The following TMC2 variants were observed in gnomAD, a reference collection of about 807,000 sequenced individuals.
The protein encoded by TMC2 is transmembrane channel-like protein 2.
Under a neutral mutation model 105.9 loss-of-function variants are expected in TMC2, and 102 were observed. That is an observed-to-expected ratio of 0.96 (90% CI 0.82 to 1.14). The LOEUF (loss-of-function observed/expected upper bound fraction) is 1.14. TMC2 is among the 50% of genes most tolerant of loss of function. TMC2 has a pLI of 0.00. For synonymous variants in TMC2, 402 were observed against 422.8 expected (o/e 0.95, Z 0.60); for missense variants, 1,093 against 1,134.3 (o/e 0.96, Z 0.52).
intron 2 of TMC2, among the ~76,000 whole-genome samples, chr20:2,545,915 AGAAAT>A (rs1283214322): frequency 6.7e-6 from 1 of 148,528 alleles, no homozygotes; most frequent in African/African-American, 2.6e-5. Flanking sequence ...AAAAAAAGAA[AGAAAT>A]GAAAGAAAGA....
chr20:2,595,143 G>T (rs1391156513), intron 9 of TMC2, among the ~76,000 whole-genome samples, 176 bp downstream of exon 9: 1 of 152,198 alleles, frequency 6.6e-6, no homozygotes, highest in African/African-American at 2.4e-5. Context: ...AGGCCATGTG[G>T]GATGTGCTGG....
chr20:2,616,230 T>C lies in TMC2; in HGVS notation c.1940+26T>C, dbSNP rs1475383585. The C allele has an allele frequency of 1.3e-6, 2 of 1,597,168 alleles. No individual in the cohort carries two copies. The highest frequency in any genetic ancestry group is 2.2e-5 in the South Asian group (2 of 90,730). On this transcript the variant is annotated intron_variant, in intron 15 of 19. Coordinates refer to ENST00000358864, the MANE Select transcript of TMC2 (RefSeq NM_080751.3). The surrounding 1 kb of genome is among the most constrained non-coding windows in gnomAD (Gnocchi z 4.8). The stretch of plus-strand genomic sequence containing the variant: ...GTGAGTTATCCATTTCATCTGGTGA[T>C]CGCCTCATCCAAGGAGTCAAAAAAC...
In TMC2 at chr20:2,538,455, C is replaced by T. The variant is rs542006437; in HGVS notation, c.82+1139C>T. ...GTGGCCAGACGAGAAACCTTCCTCC[C>T]GGGGGTCGGGCCACGGTGCTCCCGT... On this transcript the variant is annotated intron_variant, in intron 2 of 19. Transcript: ENST00000358864. 4.6e-5 allele frequency among the ~76,000 whole-genome samples: 7 copies of T among 152,266 alleles called. No homozygotes were observed. In the East Asian group the frequency reaches 9.7e-4, roughly 21 times the overall value.
At chr20:2,591,122 G>A (rs1365601665) in intron 7 of TMC2, among the ~76,000 whole-genome samples, 1 of 152,020 alleles carries the variant, frequency 6.6e-6, no homozygotes, top group African/African-American at 2.4e-5. Flanking sequence ...AAGGGCATAT[G>A]TATAAGGGTA....
At chr20:2,610,256 C>A (rs1368662995) in intron 11 of TMC2, among the ~76,000 whole-genome samples, 163 bp from the exon 12 acceptor site, 3 of 152,202 alleles carry the variant, frequency 2.0e-5, no homozygotes, top group African/African-American at 7.2e-5. Context: ...CATGTTGATG[C>A]CTTTGCCAGG....
At chr20:2,577,777 G>C (rs1013635497) in intron 5 of TMC2, among the ~76,000 whole-genome samples, 4 of 152,028 alleles carry the variant, frequency 2.6e-5, no homozygotes, top group Non-Finnish European at 5.9e-5. Flanking sequence ...AGCCGAATGT[G>C]GTGGCTACTC....
intron 2 of TMC2, among the ~76,000 whole-genome samples, chr20:2,543,176 G>A (rs1215587316): frequency 3.3e-5 from 5 of 152,044 alleles, no homozygotes; most frequent in Non-Finnish European, 7.4e-5. Context: ...GGTAGAGGCT[G>A]CAGTGAGCCA....
At chr20:2,583,665 C>G (rs2086211450) in intron 7 of TMC2, among the ~76,000 whole-genome samples, 1 of 152,046 alleles carries the variant, frequency 6.6e-6, no homozygotes, top group East Asian at 1.9e-4. Context: ...ATTTCAGCAT[C>G]TTGGCCTGGC....
intron 10 of TMC2, among the ~76,000 whole-genome samples, chr20:2,597,812 T>C (rs1035900995): frequency 3.3e-5 from 5 of 152,184 alleles, no homozygotes; most frequent in Admixed American, 2.0e-4. Flanking sequence ...TGTTTCTTAA[T>C]ATGACAGAGT....
In TMC2 at chr20:2,597,244, C is replaced by G. The variant is rs143009341; in HGVS notation, c.1170C>G (p.Ile390Met). The G allele has an allele frequency of 3.7e-5, 60 of 1,613,924 alleles. No homozygotes were observed. The highest frequency in any genetic ancestry group is 5.1e-5 in the Non-Finnish European group (60 of 1,179,998). The change falls in exon 10 of 20, where the codon ATC (isoleucine) becomes ATG (methionine). Residue 390 changes from isoleucine (I) to methionine (M), a missense_variant. Ile to Met is a conservative substitution (Grantham distance 10). Coordinates refer to ENST00000358864, the MANE Select transcript of TMC2 (RefSeq NM_080751.3). ...FKMFTSWDYL[I>M]GNSETADNKY... Reference sequence around the variant, plus strand: ...TGTTCACCAGCTGGGACTACCTGATCGGGAATTCAGAGACAGCTGATAACA... The same window carrying G: ...TGTTCACCAGCTGGGACTACCTGATGGGGAATTCAGAGACAGCTGATAACA...
intron 10 of TMC2, among the ~76,000 whole-genome samples, chr20:2,600,561 G>A (rs534688698): frequency 2.6e-5 from 4 of 152,024 alleles, no homozygotes; most frequent in South Asian, 2.1e-4. Flanking sequence ...GGTGGCTCAC[G>A]CCTGTAATCC....
At chr20:2,601,733 G>A (rs73606151) in intron 10 of TMC2, among the ~76,000 whole-genome samples, 2 of 152,048 alleles carry the variant, frequency 1.3e-5, no homozygotes, top group African/African-American at 2.4e-5. Context: ...CCAGCTACTC[G>A]GGAGGCTGAG....
At chr20:2,553,110 G>A (rs2085966559) in intron 2 of TMC2, among the ~76,000 whole-genome samples, 1 of 151,998 alleles carries the variant, frequency 6.6e-6, no homozygotes, top group South Asian at 2.1e-4. Flanking sequence ...TTATCTTACT[G>A]CATTATCTAG....
In TMC2 at chr20:2,617,303, G is replaced by A; in HGVS notation, c.2172G>A (p.Gly724=). Reference sequence around the variant, plus strand: ...CCCTCCCACCCTCCTTTGACTGCGGGCCGTTCAGGTGCAGAGTCTCAGTTG... The same window carrying A: ...CCCTCCCACCCTCCTTTGACTGCGGACCGTTCAGGTGCAGAGTCTCAGTTG... ...IMSLPPSFDC[G]PFSGKNRMYD... Residue 724 remains glycine (G), a synonymous_variant, in exon 16 of 20, where the codon GGG becomes GGA. Transcript: ENST00000358864. 1 of 1,614,174 alleles carries A rather than the reference G, an allele frequency of 6.2e-7. No individual in the cohort carries two copies. The highest frequency in any genetic ancestry group is 1.6e-4 in the Middle Eastern group (1 of 6,062).
At chr20:2,606,884 C>CTTTTTTTT (rs1276064402) in intron 11 of TMC2, among the ~76,000 whole-genome samples, 8 of 88,240 alleles carry the variant, frequency 9.1e-5, no homozygotes, top group African/African-American at 4.8e-4. Flanking sequence ...CCCTTAATTT[C>CTTTTTTTT]TTTTTTCTTT....
rs2086177890 is a variant in TMC2, at chr20:2,579,997, AT to A, written c.776del (p.Met259SerfsTer11). The A allele has an allele frequency of 6.2e-7, 1 of 1,613,862 alleles. No homozygotes were observed. The highest frequency in any genetic ancestry group is 1.3e-5 in the African/African-American group (1 of 74,862). On this transcript the variant is annotated frameshift_variant, in exon 7 of 20. Coordinates refer to ENST00000358864, the MANE Select transcript of TMC2 (RefSeq NM_080751.3). LOFTEE classifies it high-confidence loss of function. Reference protein sequence around the residue: ...VASYFIFLRWMYGVNLVLFGL... With the variant: ...VASYFIFLRWXYGVNLVLFGL... ...ATCGTATTTCATCTTTCTCCGATGG[AT>A]GTATGGAGTTAACCTTGTCCTTTTT...
chr20:2,574,458 G>A (rs1478274816), intron 5 of TMC2, among the ~76,000 whole-genome samples: 1 of 152,170 alleles, frequency 6.6e-6, no homozygotes, highest in Non-Finnish European at 1.5e-5. Flanking sequence ...TTGGGAGCAT[G>A]ATAATACACT....
intron 16 of TMC2, among the ~76,000 whole-genome samples, chr20:2,623,535 C>CAA (rs1226652222): frequency 3.3e-5 from 4 of 121,482 alleles, no homozygotes; most frequent in South Asian, 2.6e-4. Flanking sequence ...GAGACTCCAT[C>CAA]AAAAAAAAAA....
chr20:2,636,496 A>ACACG (rs1461342736), intron 18 of TMC2, among the ~76,000 whole-genome samples: 1 of 149,408 alleles, frequency 6.7e-6, no homozygotes, highest in African/African-American at 2.5e-5. Context: ...ACACACACGC[A>ACACG]CACACCCTAA....
Sources: allele counts gnomAD v4.1 joint callset (sites outside exome capture counted in the v4.1 genomes callset), GRCh38; gene constraint gnomAD v4.1.1; non-coding constraint Gnocchi (gnomAD v3.1); transcripts MANE v1.5; gene names NCBI Gene and HGNC (gene_info 2026-07-23, HGNC 2026-07-21).